The following NCK2 variants were observed in gnomAD, a reference collection of about 807,000 sequenced individuals.
NCK2 encodes the protein cytoplasmic protein NCK2.
Under a neutral mutation model 33.9 loss-of-function variants are expected in NCK2, and 16 were observed. That is an observed-to-expected ratio of 0.47 (90% CI 0.32 to 0.72). The LOEUF (loss-of-function observed/expected upper bound fraction) is 0.72. NCK2 is among the 30% of genes least tolerant of loss of function. The probability of loss-of-function intolerance (pLI) is 0.03; values close to 1 mark genes in which losing one functional copy is unlikely to be tolerated. For synonymous variants in NCK2, 273 were observed against 239.9 expected (o/e 1.14, Z -1.27); for missense variants, 418 against 537.3 (o/e 0.78, Z 2.19).
intron 1 of NCK2, among the ~76,000 whole-genome samples, chr2:105,792,598 C>G (rs1274703694): frequency 6.6e-6 from 1 of 151,948 alleles, no homozygotes. Context: ...TGTCCAAACT[C>G]GTTTGTTTTT....
intron 2 of NCK2, among the ~76,000 whole-genome samples, chr2:105,848,131 A>G (rs967089384): frequency 6.6e-6 from 1 of 152,230 alleles, no homozygotes; most frequent in Admixed American, 6.5e-5. Flanking sequence ...TAGCAGAGCA[A>G]TAATGGCTAA....
Position 105,809,529 on chromosome 2 carries a change from A to G in NCK2, c.-200-6901A>G, listed in dbSNP as rs552112180. Among the ~76,000 whole-genome samples, 161 of 152,338 alleles carry G rather than the reference A, an allele frequency of 1.1e-3. 1 individual carries two copies. Among genetic ancestry groups the G allele is most frequent in the Middle Eastern group, 3.4e-3 (1 of 294 alleles). The stretch of plus-strand genomic sequence containing the variant: ...TCTCTTCCTCTCTTAAAAGGCCAGC[A>G]GTCCTATTGGATTAGGGTCCCTGAT... On this transcript the variant is annotated intron_variant, in intron 1 of 4. Transcript: ENST00000233154.
Position 105,830,713 on chromosome 2 carries a change from GTGTT to G in NCK2, c.-17+14103_-17+14106del, listed in dbSNP as rs879768080. Among the ~76,000 whole-genome samples the G allele has an allele frequency of 5.3e-4, 75 of 140,962 alleles. 1 individual carries two copies. The highest frequency in any genetic ancestry group is 1.9e-3 in the East Asian group (9 of 4,640). 92.5% of individuals were successfully genotyped at this position (140,962 alleles called of 152,430 possible). A position where few individuals can be genotyped will look rare whatever the true frequency, so the allele number is the denominator to read the frequency against. On this transcript the variant is annotated intron_variant, in intron 2 of 4. Transcript: ENST00000233154. ...TGTGTGTGTGTGTGTGTGTGTGTGT[GTGTT>G]TGGTCTGATAATACCATTCTCATTG...
chr2:105,868,871 T>C (rs540731574), intron 3 of NCK2, among the ~76,000 whole-genome samples: 1 of 152,338 alleles, frequency 6.6e-6, no homozygotes, highest in South Asian at 2.1e-4. Flanking sequence ...CCAAGCGACT[T>C]GGCCAGGGCT....
intron 1 of NCK2, among the ~76,000 whole-genome samples, chr2:105,763,536 A>G (rs1558825605): frequency 6.6e-6 from 1 of 152,232 alleles, no homozygotes; most frequent in Non-Finnish European, 1.5e-5. Flanking sequence ...TATTTAATTA[A>G]GTTGTCACAG....
At chr2:105,777,217 C>T (rs918047456) in intron 1 of NCK2, among the ~76,000 whole-genome samples, 1 of 152,150 alleles carries the variant, frequency 6.6e-6, no homozygotes, top group African/African-American at 2.4e-5. Context: ...GCTTTAGGAA[C>T]CTGCTGTCCC....
At chr2:105,783,368 G>A (rs1279892347) in intron 1 of NCK2, among the ~76,000 whole-genome samples, 14 of 152,174 alleles carry the variant, frequency 9.2e-5, no homozygotes, top group Non-Finnish European at 2.9e-5. Flanking sequence ...TCCTCGGAGT[G>A]AGGCATTAAA....
At chr2:105,862,647 G>C (rs531936844) in intron 3 of NCK2, among the ~76,000 whole-genome samples, 3 of 152,292 alleles carry the variant, frequency 2.0e-5, no homozygotes, top group African/African-American at 7.2e-5. Context: ...GCCTTGAAGG[G>C]GTTCAAGGGT....
chr2:105,870,554 G>A (rs1021514008), intron 3 of NCK2, among the ~76,000 whole-genome samples: 15 of 152,122 alleles, frequency 9.9e-5, no homozygotes, highest in African/African-American at 3.6e-4. Flanking sequence ...TCAAGAGCTC[G>A]AGACCAGCCT....
chr2:105,786,273 G>A (rs184359649), intron 1 of NCK2, among the ~76,000 whole-genome samples: 22 of 152,346 alleles, frequency 1.4e-4, no homozygotes, highest in Non-Finnish European at 2.8e-4. Context: ...TGTAATAACC[G>A]TAGTGATCAT....
intron 1 of NCK2, among the ~76,000 whole-genome samples, chr2:105,754,481 A>G (rs1473094496): frequency 6.6e-6 from 1 of 152,212 alleles, no homozygotes; most frequent in East Asian, 1.9e-4. Context: ...CTGCAAGTCA[A>G]CAAATATTTT....
rs749337403 is a variant in NCK2 at position 105,893,064 on chromosome 2, T to C, written c.1031T>C (p.Ile344Thr). Reference sequence around the variant, plus strand: ...CAGCTCGTGGACAATGTCTACTGCATTGGGCAGCGGCGCTTCCACACCATG... The same window carrying C: ...CAGCTCGTGGACAATGTCTACTGCACTGGGCAGCGGCGCTTCCACACCATG... ...KVQLVDNVYC[I>T]GQRRFHTMDE... is the part of the protein sequence containing the mutation. Residue 344 changes from isoleucine (I) to threonine (T), a missense_variant, in exon 5 of 5, where the codon ATT becomes ACT. By Grantham distance (89) the Ile-to-Thr change is moderately conservative. Coordinates refer to ENST00000233154, the MANE Select transcript of NCK2 (RefSeq NM_003581.5). The C allele has an allele frequency of 6.2e-7, 1 of 1,614,154 alleles. No homozygotes were observed. Among genetic ancestry groups the C allele is most frequent in the Non-Finnish European group, 8.5e-7 (1 of 1,180,012 alleles).
intron 1 of NCK2, among the ~76,000 whole-genome samples, chr2:105,812,953 C>T (rs917258323): frequency 1.3e-5 from 2 of 152,098 alleles, no homozygotes; most frequent in South Asian, 2.1e-4. Context: ...AGGTTGGAGC[C>T]GGCCACCCAG....
chr2:105,841,631 A>G (rs1226193205), intron 2 of NCK2, among the ~76,000 whole-genome samples: 2 of 152,112 alleles, frequency 1.3e-5, no homozygotes, highest in Non-Finnish European at 2.9e-5. Context: ...TGGAGGGTGG[A>G]GGGTGGGGTT....
At chr2:105,844,747 GAT>G (rs67123338) in intron 2 of NCK2, among the ~76,000 whole-genome samples, 6,309 of 133,512 alleles carry the variant, frequency 0.047, 189 homozygotes, top group African/African-American at 0.081. Flanking sequence ...GGCGGGGGGG[GAT>G]ATATATATAT....
At chr2:105,845,397 A>AT (rs3047674) in intron 2 of NCK2, among the ~76,000 whole-genome samples, 76 of 146,080 alleles carry the variant, frequency 5.2e-4, no homozygotes, top group Non-Finnish European at 8.9e-4. Context: ...TATATTTTGA[A>AT]TTTTTTTTTT....
intron 2 of NCK2, among the ~76,000 whole-genome samples, chr2:105,824,234 G>C (rs1362122349): frequency 6.6e-6 from 1 of 152,136 alleles, no homozygotes; most frequent in Non-Finnish European, 1.5e-5. Context: ...TAAATGTCAC[G>C]TTTCCATAGA....
At chr2:105,818,410 TA>T (rs1485904984) in intron 2 of NCK2, among the ~76,000 whole-genome samples, 1 of 151,874 alleles carries the variant, frequency 6.6e-6, no homozygotes, top group Non-Finnish European at 1.5e-5. Context: ...ACATGTACCC[TA>T]GAACTTAAAA....
chr2:105,801,951 T>C (rs1039889133), intron 1 of NCK2, among the ~76,000 whole-genome samples: 2 of 152,104 alleles, frequency 1.3e-5, no homozygotes, highest in Non-Finnish European at 2.9e-5. Context: ...TCTCCCTGCA[T>C]GGAGAACTGT....
Sources: allele counts gnomAD v4.1 joint callset (sites outside exome capture counted in the v4.1 genomes callset), GRCh38; gene constraint gnomAD v4.1.1; transcripts MANE v1.5; gene names NCBI Gene and HGNC (gene_info 2026-07-23, HGNC 2026-07-21).